The following CSMD1 variants were observed in gnomAD, a reference collection of about 807,000 sequenced individuals.
CSMD1 encodes CUB and Sushi multiple domains 1.
CSMD1 carries 213 observed loss-of-function variants against 417.5 expected under a neutral mutation model. The ratio of observed to expected loss-of-function variants is 0.51; its 90% confidence interval spans 0.46 to 0.57. CSMD1 has a LOEUF of 0.57. Ranked by LOEUF, CSMD1 falls within the 20% of genes least tolerant of loss-of-function variation. CSMD1 has a pLI of 0.00. For synonymous variants in CSMD1, 2,862 were observed against 1,736.8 expected (o/e 1.65, Z -16.11); for missense variants, 6,923 against 4,529.7 (o/e 1.53, Z -15.17).
chr8:3,106,496 T>G, intron 46 of CSMD1, 32 bp downstream of exon 46: 1 of 1,327,356 alleles, frequency 7.5e-7, no homozygotes, highest in Non-Finnish European at 1.1e-6. Context: ...GTTGAATAAG[T>G]TTATGTAGTT....
chr8:4,746,420 T>A (rs1810955662), intron 1 of CSMD1, among the ~76,000 whole-genome samples: 1 of 152,214 alleles, frequency 6.6e-6, no homozygotes, highest in Non-Finnish European at 1.5e-5. Context: ...TGCAGCATTT[T>A]CTTCTTGCGA....
chr8:4,591,419 C>T (rs1585298915), intron 2 of CSMD1, among the ~76,000 whole-genome samples: 1 of 152,192 alleles, frequency 6.6e-6, no homozygotes, highest in Non-Finnish European at 1.5e-5. Flanking sequence ...GAAAGAAAAG[C>T]ATTCCAAACA....
intron 7 of CSMD1, among the ~76,000 whole-genome samples, chr8:3,654,852 C>T (rs1184331177): frequency 6.6e-6 from 1 of 152,130 alleles, no homozygotes; most frequent in Non-Finnish European, 1.5e-5. Context: ...CTGCTCTACC[C>T]ACACCCGGAC....
At chr8:4,441,260 G>A (rs992284276) in intron 2 of CSMD1, among the ~76,000 whole-genome samples, 2 of 67,002 alleles carry the variant, frequency 3.0e-5, no homozygotes, top group African/African-American at 5.9e-5. Flanking sequence ...ACTACACTCA[G>A]TTTTTTTTTT....
intron 5 of CSMD1, among the ~76,000 whole-genome samples, chr8:3,983,271 C>T (rs981107430): frequency 6.6e-6 from 1 of 151,982 alleles, no homozygotes; most frequent in African/African-American, 2.4e-5. Context: ...GCTGGGACTA[C>T]AGGCGCCCAC....
intron 1 of CSMD1, among the ~76,000 whole-genome samples, chr8:4,708,289 T>C (rs1046505274): frequency 6.6e-6 from 1 of 152,170 alleles, no homozygotes; most frequent in African/African-American, 2.4e-5. Context: ...TATAAATCAT[T>C]GTCATTTACA....
chr8:3,884,878 T>TA (rs1020948613), intron 5 of CSMD1, among the ~76,000 whole-genome samples: 1 of 150,432 alleles, frequency 6.6e-6, no homozygotes, highest in African/African-American at 2.4e-5. Context: ...TTTGCTACCA[T>TA]AAAAATTATA....
chr8:4,034,347 G>C (rs892492079), intron 3 of CSMD1, among the ~76,000 whole-genome samples: 2 of 152,154 alleles, frequency 1.3e-5, no homozygotes, highest in African/African-American at 2.4e-5. Flanking sequence ...TTCAGTTCTA[G>C]TTTTTAAGAA....
intron 6 of CSMD1, among the ~76,000 whole-genome samples, chr8:3,737,162 T>G (rs1796562661): frequency 6.6e-6 from 1 of 152,232 alleles, no homozygotes; most frequent in African/African-American, 2.4e-5. Flanking sequence ...ATTAGTTTAA[T>G]AAAAATTGCA....
chr8:3,618,680 T>C (rs961023734), intron 7 of CSMD1, among the ~76,000 whole-genome samples: 1 of 152,002 alleles, frequency 6.6e-6, no homozygotes, highest in African/African-American at 2.4e-5. Flanking sequence ...TACCAGAAGA[T>C]TAAAATAATT....
chr8:4,464,394 C>G (rs1585120965), intron 2 of CSMD1, among the ~76,000 whole-genome samples: 1 of 152,172 alleles, frequency 6.6e-6, no homozygotes, highest in Non-Finnish European at 1.5e-5. Flanking sequence ...TATACCTAAC[C>G]TGCAAAACAT....
At chr8:4,754,147 A>G (rs1393540437) in intron 1 of CSMD1, among the ~76,000 whole-genome samples, 1 of 152,198 alleles carries the variant, frequency 6.6e-6, no homozygotes, top group Non-Finnish European at 1.5e-5. Context: ...AATAAAATAG[A>G]CACTTCTGAT....
chr8:3,626,554 A>C (rs1055884643), intron 7 of CSMD1, among the ~76,000 whole-genome samples: 1 of 151,772 alleles, frequency 6.6e-6, no homozygotes, highest in African/African-American at 2.4e-5. Context: ...ATAATAATTA[A>C]ATCTTCAAGT....
At chr8:3,717,792 T>C (rs952217974) in intron 6 of CSMD1, among the ~76,000 whole-genome samples, 1 of 152,212 alleles carries the variant, frequency 6.6e-6, no homozygotes, top group African/African-American at 2.4e-5. Context: ...TTTAATAGAT[T>C]ATTCATAATG....
intron 5 of CSMD1, among the ~76,000 whole-genome samples, chr8:3,873,756 A>G (rs1251457167): frequency 6.6e-6 from 1 of 152,246 alleles, no homozygotes. Context: ...GATACAGAGA[A>G]AAATCAGATG....
chr8:4,515,790 G>A (rs973197484), intron 2 of CSMD1, among the ~76,000 whole-genome samples: 1 of 152,238 alleles, frequency 6.6e-6, no homozygotes, highest in Admixed American at 6.5e-5. Context: ...AGCCAAAGAC[G>A]GCCTGTGTGC....
intron 12 of CSMD1, among the ~76,000 whole-genome samples, chr8:3,442,681 C>G (rs1447457332): frequency 6.6e-6 from 1 of 152,180 alleles, no homozygotes; most frequent in East Asian, 1.9e-4. Context: ...CAACACATCT[C>G]AGAACGTATC....
chr8:3,927,078 T>C (rs1034453683), intron 5 of CSMD1, among the ~76,000 whole-genome samples: 8 of 152,116 alleles, frequency 5.3e-5, no homozygotes, highest in Admixed American at 4.6e-4. Context: ...TTAGTATTTA[T>C]TGTAATTATC....
intron 5 of CSMD1, among the ~76,000 whole-genome samples, chr8:3,889,787 G>T (rs1459222545): frequency 6.6e-6 from 1 of 151,822 alleles, no homozygotes; most frequent in Non-Finnish European, 1.5e-5. Context: ...GAATTATATA[G>T]GTATCCCATA....
Sources: gnomAD v4.1 joint callset for allele counts (sites outside exome capture counted in the v4.1 genomes callset) on GRCh38, gnomAD v4.1.1 for gene constraint, MANE v1.5 for transcripts, NCBI Gene and HGNC (gene_info 2026-07-23, HGNC 2026-07-21) for gene names.